PJA1: variants seen among roughly 807,000 people sequenced by gnomAD.
PJA1 encodes the protein praja ring finger ubiquitin ligase 1.
PJA1 carries 5 observed loss-of-function variants against 14.1 expected under a neutral mutation model. The observed-to-expected ratio is 0.35, with a 90% confidence interval of 0.18 to 0.74. PJA1 has a LOEUF of 0.74. Among genes scored for constraint, PJA1 ranks in the 30% least tolerant of loss-of-function variants. PJA1 has a pLI of 0.56. For missense variants in PJA1, 394 were observed against 482.6 expected (o/e 0.82, Z 1.72); for synonymous variants, 174 against 190.9 (o/e 0.91, Z 0.73).
At position 69,162,102 on chromosome X, in the gene PJA1, A is replaced by G; in HGVS notation, c.972T>C (p.Tyr324=). The G allele has an allele frequency of 8.3e-7, 1 of 1,211,117 alleles. No homozygotes were observed. The highest frequency in any genetic ancestry group is 1.1e-6 in the Non-Finnish European group (1 of 895,357). The change falls in exon 2 of 2, where the codon TAT becomes TAC. Residue 324 remains tyrosine, a synonymous_variant. Transcript: ENST00000374571. The stretch of plus-strand genomic sequence containing the variant: ...AGGACAGGGTTTGCTCTCGGCTTCG[A>G]TATTTCCGACGCAGAGCAGCAATCC... ...KEWIAALRRK[Y]RSREQTLSSS...
intron 1 of PJA1, among the ~76,000 whole-genome samples, chrX:69,164,137 C>T (rs906983680): frequency 3.7e-5 from 4 of 108,180 alleles, no homozygotes; most frequent in South Asian, 4.2e-4. Context: ...CAAATGGAAG[C>T]GGGGGTGGGG....
At position 69,162,998 on chromosome X, in the gene PJA1, C is replaced by G. The variant is rs772771612; in HGVS notation, c.76G>C (p.Asp26His). The stretch of plus-strand genomic sequence containing the variant: ...AGGTTGGTTCCCGAACTCTCGCTGT[C>G]GTCCCAACTACGACGAGTAGTGGAA... ...PFSTTRRSWD[D>H]SESSGTNLNI... The change falls in exon 2 of 2, where the codon GAC becomes CAC. Residue 26 changes from aspartate to histidine, a missense_variant. Physicochemically the swap from Asp to His is moderately conservative, Grantham distance 81. Around this residue, in one of 2 missense-constraint regions of PJA1, gnomAD observed 378 missense variants for 439.3 expected, o/e 0.86. Coordinates refer to ENST00000374571, the MANE Select transcript of PJA1 (RefSeq NM_001032396.4). 2 of 1,208,726 alleles carry G rather than the reference C, an allele frequency of 1.7e-6. No individual in the cohort carries two copies. The highest frequency in any genetic ancestry group is 4.4e-5 in the Admixed American group (2 of 45,647).
rs201192157 is a variant in PJA1, at chrX:69,162,733, G to C, written c.341C>G (p.Ser114Cys). The C allele has an allele frequency of 5.3e-5, 64 of 1,206,624 alleles. No individual in the cohort carries two copies. Among genetic ancestry groups the C allele is most frequent in the Non-Finnish European group, 7.1e-5 (63 of 893,591 alleles). Residue 114 changes from serine to cysteine, a missense_variant, in exon 2 of 2, where the codon TCT becomes TGT. By Grantham distance (112) the Ser-to-Cys change is moderately radical (BLOSUM62 -1). Coordinates refer to ENST00000374571, the MANE Select transcript of PJA1 (RefSeq NM_001032396.4). ...RSLAGPPPHF[S>C]SFSRDVREER... ...CTCTCTCACATCACGGCTAAAACTA[G>C]AGAAATGTGGAGGTGGCCCAGCCAA...
At chrX:69,164,562 C>T (rs1462180108) in intron 1 of PJA1, among the ~76,000 whole-genome samples, 1 of 104,707 alleles carries the variant, frequency 9.6e-6, no homozygotes, top group Non-Finnish European at 2.0e-5. Context: ...ATGTGGTAGG[C>T]GGATAGAGGA....
Position 69,161,968 on chromosome X carries a change from C to A in PJA1, c.1106G>T (p.Ser369Ile), listed in dbSNP as rs1317484458. 1 of 1,207,747 alleles carries A rather than the reference C, an allele frequency of 8.3e-7. No individual in the cohort carries two copies. Among genetic ancestry groups the A allele is most frequent in the Non-Finnish European group, 1.1e-6 (1 of 894,489 alleles). The change falls in exon 2 of 2, where the codon AGT becomes ATT. Residue 369 changes from serine to isoleucine, a missense_variant. Transcript: ENST00000374571. ...ACTGGCCCCGGCGCCAGCCCCGGCA[C>A]TGGCACTAGCACCGGGGCCAGGGCT... ...GTSPGPGASA[S>I]AGAGAGASAG...
In PJA1 at chrX:69,161,784, T is replaced by A. The variant is rs749825173; in HGVS notation, c.1290A>T (p.Gln430His). Reference protein sequence around the residue: ...GDNDSGHELMQPGVFMLDGNN... With the variant: ...GDNDSGHELMHPGVFMLDGNN... ...TTCCATCCAGCATGAATACCCCAGGTTGCATCAACTCGTGACCAGAATCAT... is the reference window on the plus strand; with the variant it reads ...TTCCATCCAGCATGAATACCCCAGGATGCATCAACTCGTGACCAGAATCAT... Residue 430 changes from glutamine (Q) to histidine (H), a missense_variant, in exon 2 of 2, where the codon CAA becomes CAT. By Grantham distance (24) the Gln-to-His change is conservative (BLOSUM62 0). Around this residue, in one of 2 missense-constraint regions of PJA1, gnomAD observed 378 missense variants for 439.3 expected, o/e 0.86. Transcript: ENST00000374571. 5.4e-5 allele frequency: 65 copies of A among 1,209,591 alleles called. No individual in the cohort carries two copies. The highest frequency in any genetic ancestry group is 7.3e-5 in the Non-Finnish European group (65 of 895,097).
chrX:69,163,559 G>A, intron 1 of PJA1: 2 of 255,130 alleles, frequency 7.8e-6, no homozygotes, highest in Non-Finnish European at 1.5e-5. Context: ...AGGTTGGGGG[G>A]TGACTGGACG....
chrX:69,161,299 C>G lies in PJA1; in HGVS notation c.*8G>C. 1 of 1,156,724 alleles carries G rather than the reference C, an allele frequency of 8.6e-7. No individual in the cohort carries two copies. The highest frequency in any genetic ancestry group is 2.4e-4 in the Middle Eastern group (1 of 4,116). ...AATAATCAGACCAGGAGTAAACGGC[C>G]TTGGTCTTTAGAGTGGGGGAGGGAA... is the stretch of plus-strand genomic sequence containing the variant. On this transcript the variant is annotated 3_prime_UTR_variant, in exon 2 of 2. Coordinates refer to ENST00000374571, the MANE Select transcript of PJA1 (RefSeq NM_001032396.4).
At position 69,161,052 on chromosome X, in the gene PJA1, C is replaced by T. The variant is rs538229700; in HGVS notation, c.*255G>A. ...GCGATTTAACTTTCAGGTTAGAAAA[C>T]GTATCTTCTTACTGCAATCTCAAGT... On this transcript the variant is annotated 3_prime_UTR_variant, in exon 2 of 2. Transcript: ENST00000374571. The T allele has an allele frequency of 3.6e-5, 12 of 337,032 alleles. No individual in the cohort carries two copies. Among genetic ancestry groups the T allele is most frequent in the African/African-American group, 2.4e-4 (9 of 37,539 alleles). 27.8% of individuals were successfully genotyped at this position (337,032 alleles called of 1,213,427 possible).
Position 69,162,850 on chromosome X carries a change from CCCT to C in PJA1, c.221_223del (p.Glu74del), listed in dbSNP as rs1925114965. The stretch of plus-strand genomic sequence containing the variant: ...TGGCGGTCGCTCAACAGGCCCAGCC[CCCT>C]CCTCCTCACTATCATCTGCCCCATA... On this transcript the variant is annotated inframe_deletion, in exon 2 of 2. Transcript: ENST00000374571. 3.3e-6 allele frequency: 4 copies of C among 1,211,628 alleles called. No individual in the cohort carries two copies. Among genetic ancestry groups the C allele is most frequent in the Non-Finnish European group, 3.3e-6 (3 of 895,530 alleles).
chrX:69,162,156 G>A lies in PJA1; in HGVS notation c.918C>T (p.Cys306=), dbSNP rs754752878. The change falls in exon 2 of 2, where the codon TGC becomes TGT. Residue 306 remains cysteine, a synonymous_variant. Transcript: ENST00000374571. ...CTTTGTCACTGTCAGAGTCTTCGTC[G>A]CAGTATTTGTAGTAATCATCACTGT... ...WTHSDDYYKY[C]DEDSDSDKEW... is the part of the protein sequence containing the mutation. 133 of 1,209,081 alleles carry A rather than the reference G, an allele frequency of 1.1e-4. No individual in the cohort carries two copies. Among genetic ancestry groups the A allele is most frequent in the Admixed American group, 2.6e-4 (12 of 45,754 alleles).
chrX:69,161,159 C>T lies in PJA1; in HGVS notation c.*148G>A. 2 of 875,426 alleles carry T rather than the reference C, an allele frequency of 2.3e-6. No individual in the cohort carries two copies. The highest frequency in any genetic ancestry group is 1.5e-6 in the Non-Finnish European group (1 of 662,448). 72.1% of individuals were successfully genotyped at this position (875,426 alleles called of 1,213,427 possible). On this transcript the variant is annotated 3_prime_UTR_variant, in exon 2 of 2. Transcript: ENST00000374571. ...TAATGCAATCATACACAACTGTTTT[C>T]ACATTGGAAATAATCACGAGGAATC...
At position 69,161,416 on chromosome X, in the gene PJA1, G is replaced by A. The variant is rs909464590; in HGVS notation, c.1658C>T (p.Ala553Val). ...ATAGTGGTGGCACGGCAGCTCAGTT[G>A]CCACCTCCCCCTTCACATATTCGCT... is the stretch of plus-strand genomic sequence containing the variant. ...CCSEYVKGEV[A>V]TELPCHHYFH... is the part of the protein sequence containing the mutation. The change falls in exon 2 of 2, where the codon GCA becomes GTA. Residue 553 changes from alanine to valine, a missense_variant. Ala to Val is a moderately conservative substitution (Grantham distance 64). Transcript: ENST00000374571. 56 of 1,209,404 alleles carry A rather than the reference G, an allele frequency of 4.6e-5. No homozygotes were observed. Among genetic ancestry groups the A allele is most frequent in the Non-Finnish European group, 6.1e-5 (55 of 894,872 alleles).
Position 69,162,576 on chromosome X carries a change from C to T in PJA1, c.498G>A (p.Glu166=), listed in dbSNP as rs762283412. ...GKLATKGDSS[E]RERREQNLPA... ...GTAAATTTTGCTCCCTTCTCTCCCT[C>T]TCCGAGCTGTCACCTTTTGTAGCCA... The change falls in exon 2 of 2, where the codon GAG becomes GAA. Residue 166 remains glutamate (E), a synonymous_variant. Transcript: ENST00000374571. The T allele has an allele frequency of 3.3e-6, 4 of 1,211,506 alleles. No homozygotes were observed. The highest frequency in any genetic ancestry group is 4.5e-6 in the Non-Finnish European group (4 of 895,544).
rs1367110990 is a variant in PJA1, at chrX:69,164,298, AGG to A, written c.-68+1072_-68+1073del. 2.7e-5 allele frequency among the ~76,000 whole-genome samples: 3 copies of A among 109,429 alleles called. No homozygotes were observed. The East Asian group carries it at 8.9e-4, about 32-fold the overall frequency. The stretch of plus-strand genomic sequence containing the variant: ...ATGTGAGTGCGAGTGTGTGCACCTC[AGG>A]GACCAGCAAAAGAGAGCTGTGTCTG... On this transcript the variant is annotated intron_variant, in intron 1 of 1. Transcript: ENST00000374571.
In PJA1 at chrX:69,161,605, G is replaced by C. The variant is rs1925023016; in HGVS notation, c.1469C>G (p.Ala490Gly). ...LTYMALEERL[A>G]QAMETALAHL... is the part of the protein sequence containing the mutation. ...CGCAAGGGCAGTTTCCATTGCCTGGGCCAGGCGTTCTTCAAGTGCCATGTA... is the reference window on the plus strand; with the variant it reads ...CGCAAGGGCAGTTTCCATTGCCTGGCCCAGGCGTTCTTCAAGTGCCATGTA... Residue 490 changes from alanine (A) to glycine (G), a missense_variant, in exon 2 of 2, where the codon GCC becomes GGC. Ala to Gly is a moderately conservative substitution (Grantham distance 60). This residue lies in a region of PJA1 where 378 missense variants were observed against 439.3 expected (regional missense o/e 0.86). Coordinates refer to ENST00000374571, the MANE Select transcript of PJA1 (RefSeq NM_001032396.4). 8.3e-7 allele frequency: 1 copy of C among 1,209,595 alleles called. No individual in the cohort carries two copies.
chrX:69,161,605 G>T lies in PJA1; in HGVS notation c.1469C>A (p.Ala490Asp). The T allele has an allele frequency of 1.7e-6, 2 of 1,211,579 alleles. No homozygotes were observed. Among genetic ancestry groups the T allele is most frequent in the Non-Finnish European group, 2.2e-6 (2 of 895,509 alleles). Residue 490 changes from alanine (A) to aspartate (D), a missense_variant, in exon 2 of 2, where the codon GCC becomes GAC. By Grantham distance (126) the Ala-to-Asp change is moderately radical (BLOSUM62 -2). This residue lies in a region of PJA1 where 378 missense variants were observed against 439.3 expected (regional missense o/e 0.86). Transcript: ENST00000374571. ...LTYMALEERLAQAMETALAHL... is the reference protein window; with the variant it reads ...LTYMALEERLDQAMETALAHL... Reference sequence around the variant, plus strand: ...CGCAAGGGCAGTTTCCATTGCCTGGGCCAGGCGTTCTTCAAGTGCCATGTA... The same window carrying T: ...CGCAAGGGCAGTTTCCATTGCCTGGTCCAGGCGTTCTTCAAGTGCCATGTA...
Position 69,162,923 on chromosome X carries a change from C to G in PJA1, c.151G>C (p.Ala51Pro), listed in dbSNP as rs763821968. The G allele has an allele frequency of 8.3e-7, 1 of 1,209,313 alleles. No individual in the cohort carries two copies. Among genetic ancestry groups the G allele is most frequent in the African/African-American group, 1.8e-5 (1 of 56,955 alleles). ...YSRYPPREYR[A>P]SGSRRGMAYG... is the part of the protein sequence containing the mutation. ...GCCATTCCTCTTCTGCTACCCGAAGCTCTGTACTCTCTTGGCGGATACCTG... is the reference window on the plus strand; with the variant it reads ...GCCATTCCTCTTCTGCTACCCGAAGGTCTGTACTCTCTTGGCGGATACCTG... The change falls in exon 2 of 2, where the codon GCT becomes CCT. Residue 51 changes from alanine (A) to proline (P), a missense_variant. This residue lies in a region of PJA1 where 378 missense variants were observed against 439.3 expected (regional missense o/e 0.86). Coordinates refer to ENST00000374571, the MANE Select transcript of PJA1 (RefSeq NM_001032396.4).
intron 1 of PJA1, 193 bp from the exon 2 acceptor site, chrX:69,163,333 GT>G: frequency 1.1e-6 from 1 of 940,102 alleles, no homozygotes; most frequent in African/African-American, 2.0e-5. Context: ...AGTAAAATCA[GT>G]TTAGAATAAA....
Sources: allele counts gnomAD v4.1 joint callset (sites outside exome capture counted in the v4.1 genomes callset), GRCh38; gene constraint gnomAD v4.1.1; regional missense constraint gnomAD v4.1.1; transcripts MANE v1.5; gene names NCBI Gene and HGNC (gene_info 2026-07-23, HGNC 2026-07-21).